MAP2K6: variants seen among roughly 807,000 people sequenced by gnomAD.
MAP2K6 encodes mitogen-activated protein kinase kinase 6.
Under a neutral mutation model 53.7 loss-of-function variants are expected in MAP2K6, and 16 were observed. The observed-to-expected ratio is 0.30, with a 90% CI of 0.20 to 0.45. The LOEUF (loss-of-function observed/expected upper bound fraction) is 0.45, where lower values mean the gene tolerates loss of function less well. Ranked by LOEUF, MAP2K6 falls within the 20% of genes least tolerant of loss-of-function variation. The pLI is 1.00. For synonymous variants in MAP2K6, 132 were observed against 143.1 expected, an observed-to-expected ratio of 0.92 and a Z score of 0.55; for missense variants, 204 against 411.9, an observed-to-expected ratio of 0.50 and a Z score of 4.37.
intron 2 of MAP2K6, among the ~76,000 whole-genome samples, chr17:69,508,041 G>GTTTTTTTTTTTTTTTTTTTT (rs71144698): frequency 2.2e-5 from 1 of 44,874 alleles, no homozygotes; most frequent in Non-Finnish European, 3.8e-5. Flanking sequence ...TATATATGTA[G>GTTTTTTTTTTTTTTTTTTTT]TTTTTTTTTT....
At chr17:69,489,877 A>C (rs56193000) in intron 1 of MAP2K6, among the ~76,000 whole-genome samples, 2,521 of 152,316 alleles carry the variant, frequency 0.017, 65 homozygotes, top group African/African-American at 0.057. Flanking sequence ...AGCCGAACAA[A>C]AGGCAAAGGC....
rs1912071900 is a variant in MAP2K6 at position 69,550,933 on chromosome 17, T to C, written c.*9180T>C. 3 of 152,228 alleles carry C rather than the reference T, an allele frequency of 2.0e-5. No homozygotes were observed. Among genetic ancestry groups the C allele is most frequent in the Admixed American group, 2.0e-4 (3 of 15,280 alleles). 9.4% of individuals were successfully genotyped at this position (152,228 alleles called of 1,614,324 possible). On this transcript the variant is annotated 3_prime_UTR_variant, in exon 12 of 12. Transcript: ENST00000590474. The stretch of plus-strand genomic sequence containing the variant: ...CTGGCTTTTGCCGTACTGAGTATGC[T>C]CACAGAGATAGGGAGATAGGTGGCC...
rs554807401 is a variant in MAP2K6, at chr17:69,460,250, G to C, written c.16+45250G>C. ...AAGTCAGGGTCCAGTGGTGAGGGGAGGGTGTCATGAAGGTGGGGTACATGG... is the reference window on the plus strand; with the variant it reads ...AAGTCAGGGTCCAGTGGTGAGGGGACGGTGTCATGAAGGTGGGGTACATGG... On this transcript the variant is annotated intron_variant, in intron 1 of 11. Transcript: ENST00000590474. Among the ~76,000 whole-genome samples the C allele has an allele frequency of 3.3e-5, 5 of 152,262 alleles. No individual in the cohort carries two copies. In the South Asian group the frequency reaches 1.0e-3, roughly 32 times the overall value.
chr17:69,524,915 C>T lies in MAP2K6; in HGVS notation c.678C>T (p.Asn226=). The T allele has an allele frequency of 1.2e-6, 2 of 1,612,818 alleles. No individual in the cohort carries two copies. Among genetic ancestry groups the T allele is most frequent in the Non-Finnish European group, 1.7e-6 (2 of 1,179,064 alleles). Residue 226 remains asparagine, a synonymous_variant, in exon 9 of 12, where the codon AAC becomes AAT. Transcript: ENST00000590474. ...CKPYMAPERI[N]PELNQKGYSV... is the part of the protein sequence containing the mutation. ...CTTCTTTCCAGCCTGAAAGAATAAA[C>T]CCAGAGCTCAACCAGAAGGGATACA...
intron 1 of MAP2K6, among the ~76,000 whole-genome samples, chr17:69,495,676 A>C (rs1908920547): frequency 6.6e-6 from 1 of 151,160 alleles, no homozygotes. Flanking sequence ...TTTTTTTTTG[A>C]AGCAAATTCT....
intron 1 of MAP2K6, chr17:69,485,432 CT>C (rs2145196045): frequency 1.0e-6 from 1 of 975,022 alleles, no homozygotes; most frequent in South Asian, 4.7e-5. Context: ...TTTCTCTTAT[CT>C]CTATGGAACA....
intron 1 of MAP2K6, among the ~76,000 whole-genome samples, chr17:69,426,678 A>G (rs1906284516): frequency 6.6e-6 from 1 of 152,296 alleles, no homozygotes; most frequent in Non-Finnish European, 1.5e-5. Flanking sequence ...GGAGGTATCA[A>G]TGTGATTTTT....
At chr17:69,480,329 G>T (rs9907575) in intron 1 of MAP2K6, among the ~76,000 whole-genome samples, 4 of 151,938 alleles carry the variant, frequency 2.6e-5, no homozygotes, top group African/African-American at 9.7e-5. Context: ...AGGACATTCC[G>T]TTCTTCTCAC....
At chr17:69,462,381 G>A (rs1490816565) in intron 1 of MAP2K6, among the ~76,000 whole-genome samples, 2 of 152,084 alleles carry the variant, frequency 1.3e-5, no homozygotes, top group African/African-American at 2.4e-5. Flanking sequence ...AGAACACAGT[G>A]TGCTACTGAA....
Position 69,437,930 on chromosome 17 carries a change from GAAT to G in MAP2K6, c.16+22937_16+22939del, listed in dbSNP as rs557974410. Reference sequence around the variant, plus strand: ...TCAGTGGTTCATCCCTTTTATAGCTGAATAATAATTCTGTTGCATTGCTTTACC... The same window carrying G: ...TCAGTGGTTCATCCCTTTTATAGCTGAATAATTCTGTTGCATTGCTTTACC... On this transcript the variant is annotated intron_variant, in intron 1 of 11. Transcript: ENST00000590474. 5.1e-3 allele frequency among the ~76,000 whole-genome samples: 777 copies of G among 152,352 alleles called. 4 individuals carry two copies. The highest frequency in any genetic ancestry group is 0.018 in the African/African-American group (731 of 41,582).
intron 1 of MAP2K6, among the ~76,000 whole-genome samples, chr17:69,445,345 G>A (rs1906938250): frequency 6.6e-6 from 1 of 152,194 alleles, no homozygotes; most frequent in Admixed American, 6.5e-5. Context: ...GACCTCAAAA[G>A]CAAAAGGGCT....
intron 1 of MAP2K6, among the ~76,000 whole-genome samples, chr17:69,488,626 T>C (rs1908634647): frequency 6.6e-6 from 1 of 152,112 alleles, no homozygotes; most frequent in African/African-American, 2.4e-5. Flanking sequence ...TGCAGGAACA[T>C]GGAGGCAAGC....
chr17:69,529,495 T>C (rs1022877890), intron 10 of MAP2K6, among the ~76,000 whole-genome samples: 9 of 148,260 alleles, frequency 6.1e-5, no homozygotes, highest in African/African-American at 2.3e-4. Context: ...GAGAAATAAA[T>C]GGTTTTTAAT....
intron 1 of MAP2K6, among the ~76,000 whole-genome samples, chr17:69,458,897 C>T (rs1907517177): frequency 6.6e-6 from 1 of 152,136 alleles, no homozygotes; most frequent in Admixed American, 6.5e-5. Context: ...CAAAAGTCAC[C>T]AGGGACTTCC....
Position 69,414,938 on chromosome 17 carries a change from A to T in MAP2K6, c.-47A>T. The stretch of plus-strand genomic sequence containing the variant: ...CAAAACTAGCTACAGAAGAGAAGCA[A>T]GGCAAAGTCTTTTGTGCTCCCCTCC... On this transcript the variant is annotated 5_prime_UTR_variant, in exon 1 of 12. It adds an upstream start codon to the 5' untranslated region. Transcript: ENST00000590474. The T allele has an allele frequency of 6.6e-7, 1 of 1,521,950 alleles. No individual in the cohort carries two copies. The highest frequency in any genetic ancestry group is 1.4e-5 in the African/African-American group (1 of 72,776). 94.3% of individuals were successfully genotyped at this position (1,521,950 alleles called of 1,614,324 possible).
At chr17:69,491,918 T>C (rs1908770098) in intron 1 of MAP2K6, among the ~76,000 whole-genome samples, 1 of 152,070 alleles carries the variant, frequency 6.6e-6, no homozygotes, top group Admixed American at 6.6e-5. Flanking sequence ...AGTGATGAGC[T>C]TTTTTTCACA....
chr17:69,501,219 C>T (rs1909157115), intron 1 of MAP2K6, among the ~76,000 whole-genome samples: 1 of 152,198 alleles, frequency 6.6e-6, no homozygotes, highest in African/African-American at 2.4e-5. Context: ...CATAAACTCT[C>T]ATAGTCGTGC....
intron 1 of MAP2K6, among the ~76,000 whole-genome samples, chr17:69,464,467 C>T (rs1229985952): frequency 3.9e-5 from 6 of 152,000 alleles, no homozygotes; most frequent in African/African-American, 1.2e-4. Flanking sequence ...CTTCAATCTC[C>T]ACCTCCCAGG....
rs140138538 is a variant in MAP2K6 at position 69,428,931 on chromosome 17, A to AACACACACACACAC, written c.16+13946_16+13959dup. On this transcript the variant is annotated intron_variant, in intron 1 of 11. Transcript: ENST00000590474. Reference sequence around the variant, plus strand: ...TAAACTGGGGTGTGTTAAATTAGAGAACACACACACACACACACACACACA... The same window carrying AACACACACACACAC: ...TAAACTGGGGTGTGTTAAATTAGAGAACACACACACACACACACACACACACACACACACACACA... 9.3e-4 allele frequency among the ~76,000 whole-genome samples: 128 copies of AACACACACACACAC among 137,330 alleles called. 1 individual carries two copies. The highest frequency in any genetic ancestry group is 7.5e-3 in the Middle Eastern group (2 of 268). The allele number at this position is 137,330 out of a possible 152,430, so 90.1% of individuals were successfully genotyped here.
Sources: gnomAD v4.1 joint callset for allele counts (sites outside exome capture counted in the v4.1 genomes callset) on GRCh38, gnomAD v4.1.1 for gene constraint, MANE v1.5 for transcripts, NCBI Gene and HGNC (gene_info 2026-07-23, HGNC 2026-07-21) for gene names.